PALM2AKAP2: variants seen among roughly 807,000 people sequenced by gnomAD.
PALM2AKAP2 encodes PALM2 and AKAP2 fusion.
PALM2AKAP2 carries 37 observed loss-of-function variants against 71.5 expected under a neutral mutation model. The ratio of observed to expected loss-of-function variants is 0.52; its 90% CI spans 0.40 to 0.68. The LOEUF is 0.68. Ranked by LOEUF, PALM2AKAP2 falls within the 30% of genes least tolerant of loss-of-function variation. PALM2AKAP2 has a pLI of 0.00. For missense variants in PALM2AKAP2, 1,224 were observed against 1,191.8 expected (o/e 1.03, Z -0.40); for synonymous variants, 468 against 478.8 (o/e 0.98, Z 0.29).
At chr9:110,055,649 T>G (rs1833822358) in intron 1 of PALM2AKAP2, among the ~76,000 whole-genome samples, 1 of 152,116 alleles carries the variant, frequency 6.6e-6, no homozygotes, top group South Asian at 2.1e-4. Flanking sequence ...GACACAAACA[T>G]TCAGACCCTA....
At chr9:109,969,185 C>T (rs527768878) in intron 6 of PALM2AKAP2, among the ~76,000 whole-genome samples, 29 of 152,172 alleles carry the variant, frequency 1.9e-4, no homozygotes, top group African/African-American at 7.0e-4. Flanking sequence ...GGCAGCCATG[C>T]CAAGAGTATT....
intron 1 of PALM2AKAP2, among the ~76,000 whole-genome samples, chr9:109,713,108 A>T (rs1828265539): frequency 6.6e-6 from 1 of 152,200 alleles, no homozygotes; most frequent in Non-Finnish European, 1.5e-5. Flanking sequence ...CAGGATCCCC[A>T]TCACCTGGGC....
At chr9:109,971,411 C>T (rs139173975) in intron 6 of PALM2AKAP2, among the ~76,000 whole-genome samples, 1 of 149,076 alleles carries the variant, frequency 6.7e-6, no homozygotes, top group East Asian at 2.0e-4. Context: ...GTGCCCCACA[C>T]ATTCAAGAAA....
Position 109,916,673 on chromosome 9 carries a change from T to A in PALM2AKAP2, c.258-7062T>A, listed in dbSNP as rs192075499. ...AATTCATCATCTACTTTGTCGAGTT[T>A]TTCTCACCACCTGTATCAGTTGAGA... On this transcript the variant is annotated intron_variant, in intron 3 of 9. Transcript: ENST00000302798. Among the ~76,000 whole-genome samples the A allele has an allele frequency of 2.0e-5, 3 of 152,316 alleles. No individual in the cohort carries two copies. In the East Asian group the frequency reaches 5.8e-4, roughly 29 times the overall value.
At chr9:109,721,635 T>G (rs1411655472) in intron 1 of PALM2AKAP2, among the ~76,000 whole-genome samples, 1 of 152,224 alleles carries the variant, frequency 6.6e-6, no homozygotes. Flanking sequence ...TCTATCAATA[T>G]CTATCCAAGG....
chr9:109,933,886 T>G (rs778586766), intron 6 of PALM2AKAP2, among the ~76,000 whole-genome samples: 5 of 152,228 alleles, frequency 3.3e-5, no homozygotes, highest in Non-Finnish European at 5.9e-5. Context: ...TGATCAATTA[T>G]GGTTAATGGT....
Position 110,138,130 on chromosome 9 carries a change from TCC to T in PALM2AKAP2, c.2161_2162del (p.Pro721CysfsTer15). 2 of 1,613,994 alleles carry T rather than the reference TCC, an allele frequency of 1.2e-6. No individual in the cohort carries two copies. The highest frequency in any genetic ancestry group is 1.7e-6 in the Non-Finnish European group (2 of 1,179,922). On this transcript the variant is annotated frameshift_variant, in exon 2 of 4. Coordinates refer to ENST00000374525, the Ensembl canonical transcript of PALM2AKAP2. LOFTEE classifies it high-confidence loss of function. Reference sequence around the variant, plus strand: ...TGTTTGAGCCACCTCAGGTGTCTTCTCCTGTTCAAGAGAAAAGGGATGTATTA... The same window carrying T: ...TGTTTGAGCCACCTCAGGTGTCTTCTTGTTCAAGAGAAAAGGGATGTATTA...
At chr9:109,938,606 G>A (rs1037831044) in intron 6 of PALM2AKAP2, among the ~76,000 whole-genome samples, 1 of 152,108 alleles carries the variant, frequency 6.6e-6, no homozygotes, top group Non-Finnish European at 1.5e-5. Flanking sequence ...GGTAACCCTA[G>A]TAAAACCATG....
chr9:110,025,596 CT>C (rs936428819), intron 7 of PALM2AKAP2, among the ~76,000 whole-genome samples: 2 of 152,128 alleles, frequency 1.3e-5, no homozygotes, highest in Non-Finnish European at 2.9e-5. Flanking sequence ...CTGGGTTTAA[CT>C]TTTTAAAAAG....
intron 7 of PALM2AKAP2, among the ~76,000 whole-genome samples, chr9:110,031,759 G>A (rs760026102): frequency 4.3e-4 from 66 of 152,186 alleles, no homozygotes; most frequent in Non-Finnish European, 7.8e-4. Flanking sequence ...GGAGAATAAT[G>A]AGATGATGCT....
At chr9:109,845,950 G>A (rs1238824706) in intron 1 of PALM2AKAP2, among the ~76,000 whole-genome samples, 1 of 152,200 alleles carries the variant, frequency 6.6e-6, no homozygotes, top group Non-Finnish European at 1.5e-5. Context: ...GATTCAGAAG[G>A]AGGAGATGGA....
chr9:109,759,944 A>G (rs546724245), intron 1 of PALM2AKAP2, among the ~76,000 whole-genome samples: 106 of 152,286 alleles, frequency 7.0e-4, no homozygotes, highest in Non-Finnish European at 1.4e-3. Context: ...TTTCAAATGT[A>G]CAGTTCAACG....
chr9:109,786,326 G>A (rs143095419), intron 1 of PALM2AKAP2, among the ~76,000 whole-genome samples: 1 of 152,326 alleles, frequency 6.6e-6, no homozygotes, highest in Non-Finnish European at 1.5e-5. Flanking sequence ...AGGGGTTAGA[G>A]ACTCAAACCC....
At chr9:110,163,547 A>G (rs1420383664) in intron 3 of PALM2AKAP2, among the ~76,000 whole-genome samples, 1 of 152,186 alleles carries the variant, frequency 6.6e-6, no homozygotes, top group Non-Finnish European at 1.5e-5. Context: ...ATTTCCATGC[A>G]TGGTTTTATA....
intron 6 of PALM2AKAP2, among the ~76,000 whole-genome samples, chr9:110,003,395 G>GAC (rs1436389002): frequency 6.6e-6 from 1 of 151,680 alleles, no homozygotes; most frequent in Admixed American, 6.6e-5. Context: ...TGGTCTGAGA[G>GAC]AGTTTGTTAT....
At chr9:110,021,921 G>A (rs540623878) in intron 7 of PALM2AKAP2, among the ~76,000 whole-genome samples, 1 of 152,254 alleles carries the variant, frequency 6.6e-6, no homozygotes, top group South Asian at 2.1e-4. Context: ...TAACTTTCAT[G>A]ATTAGTTTCA....
At chr9:109,658,313 T>C (rs1827338362) in intron 1 of PALM2AKAP2, among the ~76,000 whole-genome samples, 1 of 152,042 alleles carries the variant, frequency 6.6e-6, no homozygotes, top group African/African-American at 2.4e-5. Flanking sequence ...AGAGACAAGA[T>C]TCAAGTTGAT....
At chr9:110,103,351 C>G (rs1288329996) in intron 1 of PALM2AKAP2, among the ~76,000 whole-genome samples, 2 of 152,196 alleles carry the variant, frequency 1.3e-5, no homozygotes, top group Non-Finnish European at 2.9e-5. Flanking sequence ...GCACAGTACT[C>G]AGATCTCAAG....
At chr9:109,854,458 C>T (rs1355369006) in intron 1 of PALM2AKAP2, among the ~76,000 whole-genome samples, 1 of 152,210 alleles carries the variant, frequency 6.6e-6, no homozygotes, top group African/African-American at 2.4e-5. Flanking sequence ...ATCAGGGTGT[C>T]TAAGGAGTAG....
Sources: allele counts gnomAD v4.1 joint callset (sites outside exome capture counted in the v4.1 genomes callset), GRCh38; gene constraint gnomAD v4.1.1; transcripts MANE v1.5; gene names NCBI Gene and HGNC (gene_info 2026-07-23, HGNC 2026-07-21).